Variants in MFSD12 observed in about 807,000 individuals in gnomAD.
MFSD12 encodes major facilitator superfamily domain containing 12, also known as major facilitator superfamily domain-containing protein 12.
Under a neutral mutation model 51.2 loss-of-function variants are expected in MFSD12, and 67 were observed. The observed-to-expected ratio is 1.31, with a 90% confidence interval of 1.08 to 1.60. MFSD12 has a LOEUF of 1.60. Among genes scored for constraint, MFSD12 ranks in the 40% most tolerant of loss-of-function variants. The pLI is 0.00. For missense variants in MFSD12, 921 were observed against 673.0 expected (o/e 1.37, Z -4.08); for synonymous variants, 441 against 316.7 (o/e 1.39, Z -4.17).
At chr19:3,543,425 A>G (rs2030608301), downstream of MFSD12, 7 of 1,545,934 alleles carry the variant, frequency 4.5e-6, no homozygotes, top group Non-Finnish European at 6.1e-6. Flanking sequence ...CGAGGCCTAC[A>G]ACCGCTGGCA....
At position 3,546,114 on chromosome 19, in the gene MFSD12, C is replaced by T. The variant is rs2031010852; in HGVS notation, c.1249G>A (p.Gly417Arg). 5.6e-6 allele frequency: 9 copies of T among 1,613,422 alleles called. No individual in the cohort carries two copies. The highest frequency in any genetic ancestry group is 7.6e-6 in the Non-Finnish European group (9 of 1,180,008). Residue 417 changes from glycine to arginine, a missense_variant, in exon 8 of 10, where the codon GGG becomes AGG. Gly to Arg is a moderately radical substitution (Grantham distance 125). Transcript: ENST00000355415. ...CTCTGGATGGCCATGACTGCCAGCC[C>T]ATTGGCCACCTTATCCAAGAAGCTC... The part of the protein sequence containing the change: ...SMSFLDKVAN[G>R]LAVMAIQSLH...
rs1353802333 is a variant in MFSD12, at chr19:3,544,709, G to A, written c.*1C>T. The A allele has an allele frequency of 1.2e-6, 2 of 1,600,038 alleles. No individual in the cohort carries two copies. The highest frequency in any genetic ancestry group is 1.7e-5 in the Admixed American group (1 of 59,410). The stretch of plus-strand genomic sequence containing the variant: ...GCACAGGTGCAGGAGGCTGTCAGGA[G>A]TCAGGGCCGGGCATCACGGTCCCCT... On this transcript the variant is annotated 3_prime_UTR_variant, in exon 10 of 10. Coordinates refer to ENST00000355415, the MANE Select transcript of MFSD12 (RefSeq NM_174983.5).
At chr19:3,539,009 A>G (rs1345849819) in intron 4 of MFSD12, 2 of 628,598 alleles carry the variant, frequency 3.2e-6, no homozygotes, top group Non-Finnish European at 5.8e-6. Flanking sequence ...TGTCACCCCC[A>G]GTTGTTAAAT....
intron 4 of MFSD12, chr19:3,539,161 G>A (rs970509241): frequency 2.7e-5 from 42 of 1,539,558 alleles, no homozygotes; most frequent in African/African-American, 8.2e-5. Flanking sequence ...GCAGGAGCCC[G>A]GGGGATCCAG....
In MFSD12 at chr19:3,544,718, G is replaced by C. The variant is rs201727429; in HGVS notation, c.1435C>G (p.Arg479Gly). The C allele has an allele frequency of 1.2e-6, 2 of 1,601,732 alleles. No individual in the cohort carries two copies. The highest frequency in any genetic ancestry group is 1.7e-6 in the Non-Finnish European group (2 of 1,172,650). ...CAGGAGGCTGTCAGGAGTCAGGGCC[G>C]GGCATCACGGTCCCCTGCAAGGGAG... is the stretch of plus-strand genomic sequence containing the variant. ...TRLRRWDRDA[R>G]P The change falls in exon 10 of 10, where the codon CGG (arginine) becomes GGG (glycine). Residue 479 changes from arginine to glycine, a missense_variant. By Grantham distance (125) the Arg-to-Gly change is moderately radical. Coordinates refer to ENST00000355415, the MANE Select transcript of MFSD12 (RefSeq NM_174983.5).
At position 3,544,981 on chromosome 19, in the gene MFSD12, A is replaced by G. The variant is rs765712393; in HGVS notation, c.1290-42T>C. The G allele has an allele frequency of 1.3e-5, 20 of 1,543,010 alleles. No homozygotes were observed. In the Admixed American group the frequency reaches 3.8e-4, roughly 29 times the overall value. On this transcript the variant is annotated intron_variant, in intron 8 of 9. Coordinates refer to ENST00000355415, the MANE Select transcript of MFSD12 (RefSeq NM_174983.5). ...GGGATGAGTAGGCACCGCGGGTACCACCCCCCCGCCACCCAAGCTGAACCT... is the reference window on the plus strand; with the variant it reads ...GGGATGAGTAGGCACCGCGGGTACCGCCCCCCCGCCACCCAAGCTGAACCT...
At chr19:3,548,546 A>T (rs149650772) in intron 2 of MFSD12, among the ~76,000 whole-genome samples, 1 of 152,160 alleles carries the variant, frequency 6.6e-6, no homozygotes, top group African/African-American at 2.4e-5. Context: ...ACAACCCAAA[A>T]GTCTGAGAAC....
chr19:3,539,304 C>T (rs1175494537), downstream of MFSD12: 1 of 1,240,154 alleles, frequency 8.1e-7, no homozygotes, highest in Admixed American at 2.0e-5. Context: ...CCCCTCCCTC[C>T]CTCCCTCCCT....
chr19:3,543,159 C>T, downstream of MFSD12: 1 of 1,516,580 alleles, frequency 6.6e-7, no homozygotes, highest in African/African-American at 1.4e-5. Context: ...CATCATCCAC[C>T]CTGGCAGACA....
chr19:3,545,513 A>AATG (rs1157039039), intron 8 of MFSD12, among the ~76,000 whole-genome samples: 2 of 152,208 alleles, frequency 1.3e-5, no homozygotes, highest in African/African-American at 4.8e-5. Context: ...ATTGGCCTGG[A>AATG]ATGCTCTGAC....
intron 1 of MFSD12, 128 bp downstream of exon 1, chr19:3,556,974 GGACA>G (rs1267977570): frequency 1.1e-6 from 1 of 899,970 alleles, no homozygotes. Flanking sequence ...TCGGGCCACG[GGACA>G]GACAGACCGA....
At chr19:3,543,306 C>T (rs1345289011), downstream of MFSD12, 25 of 1,549,008 alleles carry the variant, frequency 1.6e-5, no homozygotes, top group African/African-American at 4.1e-5. Flanking sequence ...TGGAAGTACA[C>T]GCCCATGGGA....
In MFSD12 at chr19:3,547,369, G is replaced by A. The variant is rs374213234; in HGVS notation, c.931-5C>T. ...GGGAATGGTCGCGATGAACTTCTGC[G>A]GAGGCAGAGCCAGGCATGCCGTGTC... On this transcript the variant is annotated splice_region_variant and splice_polypyrimidine_tract_variant and intron_variant, in intron 5 of 9. Coordinates refer to ENST00000355415, the MANE Select transcript of MFSD12 (RefSeq NM_174983.5). 32 of 1,613,024 alleles carry A rather than the reference G, an allele frequency of 2.0e-5. No homozygotes were observed. Among genetic ancestry groups the A allele is most frequent in the Middle Eastern group, 1.6e-4 (1 of 6,084 alleles).
downstream of MFSD12, chr19:3,542,406 T>C (rs2030490580): frequency 1.0e-6 from 1 of 985,296 alleles, no homozygotes; most frequent in Admixed American, 6.1e-5. Context: ...AGCAACCTTG[T>C]TTTCTGGGAT....
Position 3,544,300 on chromosome 19 carries a change from G to C in MFSD12, c.*410C>G. The C allele has an allele frequency of 7.8e-7, 1 of 1,281,502 alleles. No individual in the cohort carries two copies. 79.4% of individuals were successfully genotyped at this position (1,281,502 alleles called of 1,614,324 possible). On this transcript the variant is annotated 3_prime_UTR_variant, in exon 10 of 10. Coordinates refer to ENST00000355415, the MANE Select transcript of MFSD12 (RefSeq NM_174983.5). The stretch of plus-strand genomic sequence containing the variant: ...TCCAGGCCCAGCCCACCACCCCGTG[G>C]CTGTCTCCTCCAGGCTCCAGCCGTC...
chr19:3,545,250 C>T (rs375493178), intron 8 of MFSD12, among the ~76,000 whole-genome samples: 59 of 152,354 alleles, frequency 3.9e-4, no homozygotes, highest in South Asian at 1.0e-3. Flanking sequence ...GCTGTCCTCC[C>T]GGCAGCAACC....
At position 3,552,621 on chromosome 19, in the gene MFSD12, C is replaced by G. The variant is rs1465692694; in HGVS notation, c.299-1427G>C. Reference sequence around the variant, plus strand: ...TCCCGTGTAGCTGGGATTACAGGTACCTGCCGCCACATCCCACCACATCCA... The same window carrying G: ...TCCCGTGTAGCTGGGATTACAGGTAGCTGCCGCCACATCCCACCACATCCA... On this transcript the variant is annotated intron_variant, in intron 1 of 9. Coordinates refer to ENST00000355415, the MANE Select transcript of MFSD12 (RefSeq NM_174983.5). Among the ~76,000 whole-genome samples the G allele has an allele frequency of 1.8e-4, 28 of 151,380 alleles. 1 individual carries two copies. In the Admixed American group the frequency reaches 1.9e-3, roughly 10 times the overall value.
At chr19:3,546,510 C>T in intron 6 of MFSD12, 85 bp from the exon 7 acceptor site, 1 of 1,464,626 alleles carries the variant, frequency 6.8e-7, no homozygotes, top group South Asian at 1.3e-5. Flanking sequence ...ACCCCCAACC[C>T]CAGCAAACAA....
In MFSD12 at chr19:3,544,847, A is replaced by G. The variant is rs538307475; in HGVS notation, c.1382T>C (p.Leu461Pro). ...GGVGVAAALC[L>P]CSLLLWPTRL... Reference sequence around the variant, plus strand: ...GGTCGGCCACAGCAGGAGGCTACAGAGACACAGGGCAGCGGCCACGCCCAC... The same window carrying G: ...GGTCGGCCACAGCAGGAGGCTACAGGGACACAGGGCAGCGGCCACGCCCAC... Residue 461 changes from leucine to proline, a missense_variant, in exon 9 of 10, where the codon CTC becomes CCC. Physicochemically the swap from Leu to Pro is moderately conservative, Grantham distance 98. Transcript: ENST00000355415. 25 of 1,612,312 alleles carry G rather than the reference A, an allele frequency of 1.6e-5. No individual in the cohort carries two copies. The highest frequency in any genetic ancestry group is 1.7e-6 in the Non-Finnish European group (2 of 1,179,708).
Sources: gnomAD v4.1 joint callset for allele counts (sites outside exome capture counted in the v4.1 genomes callset) on GRCh38, gnomAD v4.1.1 for gene constraint, MANE v1.5 for transcripts, NCBI Gene and HGNC (gene_info 2026-07-23, HGNC 2026-07-21) for gene names.